The following PLPP4 variants were observed in gnomAD, a reference collection of about 807,000 sequenced individuals.
PLPP4 encodes phospholipid phosphatase 4.
In PLPP4, 20 loss-of-function variants were observed where a neutral mutation model predicts 32.2. The ratio of observed to expected loss-of-function variants is 0.62; its 90% CI spans 0.44 to 0.90. The LOEUF is 0.90. Among genes scored for constraint, PLPP4 ranks in the 40% least tolerant of loss-of-function variants. The pLI, the probability that PLPP4 is intolerant of heterozygous loss-of-function variation, is 0.00. For synonymous variants in PLPP4, 127 were observed against 133.0 expected (o/e 0.95, Z 0.31); for missense variants, 257 against 353.1 (o/e 0.73, Z 2.18).
At chr10:120,511,214 G>A (rs1419025355) in intron 2 of PLPP4, among the ~76,000 whole-genome samples, 5 of 152,198 alleles carry the variant, frequency 3.3e-5, no homozygotes, top group Non-Finnish European at 7.4e-5. Flanking sequence ...CAGTTCTAAA[G>A]GAGACCACTG....
At position 120,575,193 on chromosome 10, in the gene PLPP4, G is replaced by C. The variant is rs770040474; in HGVS notation, c.508G>C (p.Glu170Gln). Reference protein sequence around the residue: ...YLAGKLHCFTESGRGKSWRLC... With the variant: ...YLAGKLHCFTQSGRGKSWRLC... ...GGCGGGCAAGCTGCACTGCTTCACC[G>C]AGAGTGGGCGGGGAAAGAGCTGGCG... The change falls in exon 6 of 7, where the codon GAG becomes CAG. Residue 170 changes from glutamate to glutamine, a missense_variant. By Grantham distance (29) the Glu-to-Gln change is conservative. Transcript: ENST00000398250. 3.7e-6 allele frequency: 6 copies of C among 1,613,836 alleles called. No individual in the cohort carries two copies. The Admixed American group carries it at 6.7e-5, about 18-fold the overall frequency.
At chr10:120,532,822 A>G (rs1300444717) in intron 5 of PLPP4, among the ~76,000 whole-genome samples, 1 of 152,152 alleles carries the variant, frequency 6.6e-6, no homozygotes, top group East Asian at 1.9e-4. Context: ...TTTATTGCTC[A>G]GTAATCTTTT....
intron 5 of PLPP4, among the ~76,000 whole-genome samples, chr10:120,528,295 C>T (rs1846522111): frequency 6.6e-6 from 1 of 152,034 alleles, no homozygotes; most frequent in African/African-American, 2.4e-5. Flanking sequence ...AGGATGGTCT[C>T]CATCTCCTGA....
chr10:120,566,314 A>G lies in PLPP4; in HGVS notation c.446-8817A>G, dbSNP rs1336597536. On this transcript the variant is annotated intron_variant, in intron 5 of 6. Transcript: ENST00000398250. ...GTCTGGGTTGAAGTTGAATTCCTCT[A>G]GAGAGATATTTTGCCAATTGCCTGA... 2.0e-5 allele frequency among the ~76,000 whole-genome samples: 3 copies of G among 152,246 alleles called. No homozygotes were observed. In the East Asian group the frequency reaches 5.8e-4, roughly 29 times the overall value.
chr10:120,465,335 C>T (rs1026565099), intron 1 of PLPP4, among the ~76,000 whole-genome samples: 7 of 152,116 alleles, frequency 4.6e-5, no homozygotes, highest in African/African-American at 1.4e-4. Context: ...GTTTGGGATG[C>T]CTGGGGCGAG....
At chr10:120,564,703 G>GT (rs1848606304) in intron 5 of PLPP4, among the ~76,000 whole-genome samples, 1 of 151,832 alleles carries the variant, frequency 6.6e-6, no homozygotes, top group African/African-American at 2.4e-5. Flanking sequence ...TCTACTACCT[G>GT]TGTAAGTCAT....
intron 1 of PLPP4, among the ~76,000 whole-genome samples, chr10:120,471,984 T>C (rs1384742546): frequency 3.9e-5 from 6 of 152,080 alleles, no homozygotes; most frequent in Admixed American, 2.6e-4. Context: ...TACCATTTCA[T>C]GTACAATGTA....
intron 1 of PLPP4, among the ~76,000 whole-genome samples, chr10:120,462,351 C>T (rs923284268): frequency 3.3e-5 from 5 of 152,242 alleles, no homozygotes; most frequent in African/African-American, 1.2e-4. Context: ...AGGTTTGAAA[C>T]AAAACTGTAC....
intron 2 of PLPP4, 108 bp from the exon 3 acceptor site, chr10:120,513,803 A>C: frequency 1.2e-6 from 1 of 855,998 alleles, no homozygotes; most frequent in South Asian, 1.4e-5. Flanking sequence ...GTTCAGTAAG[A>C]TTATTCAACC....
intron 5 of PLPP4, among the ~76,000 whole-genome samples, chr10:120,535,190 T>A (rs190873222): frequency 2.2e-4 from 33 of 152,310 alleles, no homozygotes; most frequent in African/African-American, 7.9e-4. Context: ...GTATTATTAT[T>A]ATGTCCAAGC....
At chr10:120,580,115 CAAAAAAAAAAA>C (rs10609637) in intron 6 of PLPP4, among the ~76,000 whole-genome samples, 3 of 91,570 alleles carry the variant, frequency 3.3e-5, no homozygotes, top group African/African-American at 8.6e-5. Context: ...GCGAGACTCT[CAAAAAAAAAAA>C]AAAAAAAAAA....
rs1589760115 is a variant in PLPP4, at chr10:120,493,842, C to T, written c.57-9976C>T. Among the ~76,000 whole-genome samples the T allele has an allele frequency of 2.0e-5, 3 of 152,152 alleles. No homozygotes were observed. The South Asian group carries it at 6.2e-4, about 32-fold the overall frequency. On this transcript the variant is annotated intron_variant, in intron 1 of 6. Coordinates refer to ENST00000398250, the MANE Select transcript of PLPP4 (RefSeq NM_001030059.3). ...CTTACTCCCCACATATACTCACAGC[C>T]CAGGGGAGGAGTACACTGCACGCCA...
chr10:120,580,064 G>A (rs372422289), intron 6 of PLPP4, among the ~76,000 whole-genome samples: 7 of 145,644 alleles, frequency 4.8e-5, no homozygotes, highest in East Asian at 2.0e-4. Flanking sequence ...AGCTTGCAGC[G>A]AGCCGAGATC....
At chr10:120,566,634 C>T (rs1564844451) in intron 5 of PLPP4, among the ~76,000 whole-genome samples, 1 of 151,764 alleles carries the variant, frequency 6.6e-6, no homozygotes. Context: ...CCTCCACCTC[C>T]ACCTCCACCT....
intron 4 of PLPP4, among the ~76,000 whole-genome samples, chr10:120,520,498 T>C (rs1419543692): frequency 6.6e-6 from 1 of 152,234 alleles, no homozygotes; most frequent in Non-Finnish European, 1.5e-5. Flanking sequence ...GAGCAATGCA[T>C]GCCAATATCC....
chr10:120,512,828 AT>A (rs987686779), intron 2 of PLPP4, among the ~76,000 whole-genome samples: 31 of 152,262 alleles, frequency 2.0e-4, no homozygotes, highest in African/African-American at 7.5e-4. Flanking sequence ...TAAAAAATAC[AT>A]TTAAAAAAGA....
In PLPP4 at chr10:120,521,046, C is replaced by T. The variant is rs373399760; in HGVS notation, c.396C>T (p.Pro132=). Residue 132 remains proline, a synonymous_variant, in exon 5 of 7, where the codon CCC becomes CCT. Coordinates refer to ENST00000398250, the MANE Select transcript of PLPP4 (RefSeq NM_001030059.3). ...MNSEMHCTGD[P]DLVSEGRKSF... ...CGGAAATGCATTGCACAGGTGACCC[C>T]GATCTGGTGTCCGAGGGCCGCAAAA... 5.0e-6 allele frequency: 8 copies of T among 1,614,066 alleles called. No homozygotes were observed. The highest frequency in any genetic ancestry group is 3.3e-5 in the Admixed American group (2 of 60,002).
At chr10:120,475,628 G>C (rs2133803960) in intron 1 of PLPP4, among the ~76,000 whole-genome samples, 1 of 152,350 alleles carries the variant, frequency 6.6e-6, no homozygotes, top group African/African-American at 2.4e-5. Context: ...AACACGAGAT[G>C]ATGAGTGAGC....
Position 120,575,111 on chromosome 10 carries a change from C to T in PLPP4, c.446-20C>T. 1 of 1,607,992 alleles carries T rather than the reference C, an allele frequency of 6.2e-7. No individual in the cohort carries two copies. Among genetic ancestry groups the T allele is most frequent in the African/African-American group, 1.3e-5 (1 of 74,962 alleles). ...CACTCACCACCTGCTAGAGTAACAC[C>T]TGCTGTTTCTGTTTGGCAGTTGCCT... On this transcript the variant is annotated intron_variant, in intron 5 of 6. Coordinates refer to ENST00000398250, the MANE Select transcript of PLPP4 (RefSeq NM_001030059.3).
Sources: gnomAD v4.1 joint callset for allele counts (sites outside exome capture counted in the v4.1 genomes callset) on GRCh38, gnomAD v4.1.1 for gene constraint, MANE v1.5 for transcripts, NCBI Gene and HGNC (gene_info 2026-07-23, HGNC 2026-07-21) for gene names.